The following STXBP5L variants were observed in gnomAD, a reference collection of about 807,000 sequenced individuals.
STXBP5L encodes the protein syntaxin-binding protein 5-like.
STXBP5L carries 65 observed loss-of-function variants against 144.5 expected under a neutral mutation model. The observed-to-expected ratio is 0.45, with a 90% CI of 0.37 to 0.55. The LOEUF (loss-of-function observed/expected upper bound fraction) is 0.55, where lower values mean the gene tolerates loss of function less well. Ranked by LOEUF, STXBP5L falls within the 20% of genes least tolerant of loss-of-function variation. The pLI, the probability that STXBP5L is intolerant of heterozygous loss-of-function variation, is 0.00. For missense variants in STXBP5L, 1,298 were observed against 1,405.5 expected (o/e 0.92, Z 1.22); for synonymous variants, 505 against 469.6 (o/e 1.08, Z -0.97).
At chr3:121,233,304 A>T (rs1020397936) in intron 11 of STXBP5L, among the ~76,000 whole-genome samples, 1 of 152,192 alleles carries the variant, frequency 6.6e-6, no homozygotes, top group Non-Finnish European at 1.5e-5. Context: ...AGAATAAGAT[A>T]AATGTTTGTG....
intron 18 of STXBP5L, among the ~76,000 whole-genome samples, chr3:121,276,185 T>TGTTC (rs147061796): frequency 6.6e-6 from 1 of 151,668 alleles, no homozygotes; most frequent in Non-Finnish European, 1.5e-5. Flanking sequence ...TTTAGTTTTT[T>TGTTC]GTTCTCAGGC....
At chr3:121,287,607 G>A (rs1017979985) in intron 19 of STXBP5L, among the ~76,000 whole-genome samples, 1 of 152,020 alleles carries the variant, frequency 6.6e-6, no homozygotes, top group Non-Finnish European at 1.5e-5. Context: ...GAGGTGGGTG[G>A]ATCACGAGGT....
At chr3:121,057,260 T>C (rs923293503) in intron 5 of STXBP5L, among the ~76,000 whole-genome samples, 3 of 152,030 alleles carry the variant, frequency 2.0e-5, no homozygotes, top group Admixed American at 2.0e-4. Flanking sequence ...TAATGTAGCA[T>C]GTTATACAGT....
At chr3:121,105,609 A>T (rs563585049) in intron 5 of STXBP5L, among the ~76,000 whole-genome samples, 1 of 152,270 alleles carries the variant, frequency 6.6e-6, no homozygotes, top group Admixed American at 6.5e-5. Context: ...GTTGGTGGGA[A>T]TGTAAACTAC....
intron 5 of STXBP5L, among the ~76,000 whole-genome samples, chr3:121,049,064 A>T (rs927832611): frequency 4.6e-5 from 7 of 151,498 alleles, no homozygotes; most frequent in African/African-American, 1.5e-4. Flanking sequence ...CAGAGCTGCT[A>T]CTAGCCTGAG....
At chr3:121,321,764 C>T (rs555606192) in intron 20 of STXBP5L, among the ~76,000 whole-genome samples, 5 of 152,284 alleles carry the variant, frequency 3.3e-5, no homozygotes, top group South Asian at 2.1e-4. Context: ...AAGATTGATG[C>T]AAATGTCTCT....
At chr3:120,984,047 C>T (rs1942057578) in intron 3 of STXBP5L, among the ~76,000 whole-genome samples, 1 of 152,088 alleles carries the variant, frequency 6.6e-6, no homozygotes, top group African/African-American at 2.4e-5. Context: ...GCTCTTTGTT[C>T]CTAGTTCACC....
chr3:121,121,224 CG>C (rs1559770195), intron 6 of STXBP5L, among the ~76,000 whole-genome samples: 1 of 151,196 alleles, frequency 6.6e-6, no homozygotes, highest in African/African-American at 2.4e-5. Flanking sequence ...GAGGAGATTT[CG>C]TGTAAAAGGA....
chr3:121,033,462 C>T (rs1483657303), intron 3 of STXBP5L, among the ~76,000 whole-genome samples: 1 of 137,666 alleles, frequency 7.3e-6, no homozygotes, highest in Non-Finnish European at 1.5e-5. Context: ...GGGAGATATA[C>T]CTAATGCTAG....
chr3:121,051,212 A>C lies in STXBP5L; in HGVS notation c.470+5677A>C, dbSNP rs1947961079. Among the ~76,000 whole-genome samples, 3 of 152,322 alleles carry C rather than the reference A, an allele frequency of 2.0e-5. No homozygotes were observed. In the South Asian group the frequency reaches 6.2e-4, roughly 32 times the overall value. ...GTTAACAAGGATACCCAGGAATTGT[A>C]CTCAGCTCTGCACCAAGCAGACCTA... On this transcript the variant is annotated intron_variant, in intron 5 of 26. Coordinates refer to ENST00000471454, the MANE Select transcript of STXBP5L (RefSeq NM_001308330.2).
chr3:121,146,719 A>T (rs1387060311), intron 7 of STXBP5L, among the ~76,000 whole-genome samples: 1 of 152,102 alleles, frequency 6.6e-6, no homozygotes, highest in Non-Finnish European at 1.5e-5. Context: ...ACAGACTTTA[A>T]GGCAAAAACT....
At chr3:121,057,735 TCTTAAA>T (rs1948559619) in intron 5 of STXBP5L, among the ~76,000 whole-genome samples, 1 of 152,074 alleles carries the variant, frequency 6.6e-6, no homozygotes, top group Non-Finnish European at 1.5e-5. Context: ...TAGTTCTCTT[TCTTAAA>T]CTTAACTTTT....
intron 20 of STXBP5L, among the ~76,000 whole-genome samples, chr3:121,345,717 G>T (rs1168610644): frequency 2.6e-5 from 4 of 151,952 alleles, no homozygotes; most frequent in South Asian, 2.1e-4. Flanking sequence ...GGCATGAGAT[G>T]GTATCTCATT....
At chr3:120,951,174 A>G (rs533324739) in intron 2 of STXBP5L, among the ~76,000 whole-genome samples, 165 of 152,324 alleles carry the variant, frequency 1.1e-3, no homozygotes, top group African/African-American at 3.8e-3. Context: ...AAAGACTTAA[A>G]CATTAGACCT....
At chr3:121,231,081 A>G (rs2049292750) in intron 11 of STXBP5L, among the ~76,000 whole-genome samples, 1 of 152,108 alleles carries the variant, frequency 6.6e-6, no homozygotes, top group Admixed American at 6.6e-5. Flanking sequence ...TTCTTTCTCT[A>G]CCTGCCAGGA....
At chr3:121,151,098 A>T (rs532600806) in intron 7 of STXBP5L, among the ~76,000 whole-genome samples, 1 of 152,054 alleles carries the variant, frequency 6.6e-6, no homozygotes, top group Non-Finnish European at 1.5e-5. Context: ...TGTCTCAAAA[A>T]AAAAAAGAAA....
At chr3:120,951,146 A>G (rs1711194048) in intron 2 of STXBP5L, among the ~76,000 whole-genome samples, 1 of 152,202 alleles carries the variant, frequency 6.6e-6, no homozygotes, top group Non-Finnish European at 1.5e-5. Flanking sequence ...TTACACAAAA[A>G]TCAATTCAAG....
At chr3:121,050,227 C>T (rs777571775) in intron 5 of STXBP5L, among the ~76,000 whole-genome samples, 1 of 152,020 alleles carries the variant, frequency 6.6e-6, no homozygotes, top group African/African-American at 2.4e-5. Context: ...CTATCTCACG[C>T]CAAATCTCTA....
chr3:121,027,141 A>G (rs936029047), intron 3 of STXBP5L, among the ~76,000 whole-genome samples: 1 of 152,032 alleles, frequency 6.6e-6, no homozygotes, highest in African/African-American at 2.4e-5. Flanking sequence ...GTGTTTATAT[A>G]TATGTATATA....
Sources: gnomAD v4.1 joint callset for allele counts (sites outside exome capture counted in the v4.1 genomes callset) on GRCh38, gnomAD v4.1.1 for gene constraint, MANE v1.5 for transcripts, NCBI Gene and HGNC (gene_info 2026-07-23, HGNC 2026-07-21) for gene names.